NUP214: variants seen among roughly 807,000 people sequenced by gnomAD.
NUP214 encodes nucleoporin 214.
NUP214 carries 79 observed loss-of-function variants against 196.2 expected under a neutral mutation model. The observed-to-expected ratio is 0.40, with a 90% CI of 0.34 to 0.49. The LOEUF (loss-of-function observed/expected upper bound fraction) is 0.49. NUP214 is among the 20% of genes least tolerant of loss of function. The probability of loss-of-function intolerance (pLI) is 0.58; values close to 1 mark genes in which losing one functional copy is unlikely to be tolerated. For synonymous variants in NUP214, 1,020 were observed against 990.5 expected, an observed-to-expected ratio of 1.03 and a Z score of -0.56; for missense variants, 2,468 against 2,539.0, an observed-to-expected ratio of 0.97 and a Z score of 0.60.
rs148287685 is a variant in NUP214, at chr9:131,197,413, T to A, written c.3919T>A (p.Ser1307Thr). Residue 1307 changes from serine to threonine, a missense_variant, in exon 29 of 36, where the codon TCT becomes ACT. By Grantham distance (58) the Ser-to-Thr change is moderately conservative. Around this residue, in one of 5 missense-constraint regions of NUP214, gnomAD observed 1,801 missense variants for 1,779.4 expected, o/e 1.01. Coordinates refer to ENST00000359428, the MANE Select transcript of NUP214 (RefSeq NM_005085.4). ...APSGTALSTTSSKLETPPSKL... is the reference protein window; with the variant it reads ...APSGTALSTTTSKLETPPSKL... ...TTCTGGAACTGCTCTTTCCACCACC[T>A]CTAGTAAGCTGGAAACCCCACCGTC... The A allele has an allele frequency of 4.8e-4, 775 of 1,614,084 alleles. 6 individuals are homozygous for A. In the African/African-American group the frequency reaches 9.4e-3, roughly 20 times the overall value.
At chr9:131,223,334 T>C (rs1175091932) in intron 32 of NUP214, among the ~76,000 whole-genome samples, 2 of 151,920 alleles carry the variant, frequency 1.3e-5, no homozygotes, top group Admixed American at 1.3e-4. Context: ...GCCCAGCTAA[T>C]TTTTGTATTT....
chr9:131,175,596 G>A lies in NUP214; in HGVS notation c.3294G>A (p.Arg1098=). The change falls in exon 23 of 36, where the codon AGG becomes AGA. Residue 1098 remains arginine, a synonymous_variant. Coordinates refer to ENST00000359428, the MANE Select transcript of NUP214 (RefSeq NM_005085.4). ...AGGCAGCTGCCGCAGCAGCACTCAG[G>A]CGGCAGATGGCCAGTCAGGCACCAG... ...APQAAAAAAL[R]RQMASQAPAV... is the part of the protein sequence containing the mutation. 2 of 1,614,166 alleles carry A rather than the reference G, an allele frequency of 1.2e-6. No homozygotes were observed. Among genetic ancestry groups the A allele is most frequent in the Non-Finnish European group, 1.7e-6 (2 of 1,180,012 alleles).
intron 17 of NUP214, 154 bp from the exon 18 acceptor site, chr9:131,159,229 A>C: frequency 4.8e-6 from 3 of 626,738 alleles, no homozygotes; most frequent in Non-Finnish European, 8.2e-6. Flanking sequence ...TTAATTATAT[A>C]GTTTTAAAAA....
intron 32 of NUP214, 129 bp downstream of exon 32, chr9:131,223,059 T>A (rs967167917): frequency 5.5e-6 from 4 of 725,406 alleles, no homozygotes; most frequent in Non-Finnish European, 8.4e-6. Context: ...GTTAACTGTT[T>A]CCTCCGCATT....
At position 131,163,962 on chromosome 9, in the gene NUP214, G is replaced by C. The variant is rs767648361; in HGVS notation, c.2809+7G>C. The C allele has an allele frequency of 6.2e-7, 1 of 1,613,700 alleles. No homozygotes were observed. The highest frequency in any genetic ancestry group is 1.7e-5 in the Admixed American group (1 of 60,028). ...TCCTTGCCCAAAGTACCAGGTAATT[G>C]CATCCTTCCCAGTCTTTTAACTCCC... On this transcript the variant is annotated splice_region_variant and intron_variant, in intron 20 of 35. Coordinates refer to ENST00000359428, the MANE Select transcript of NUP214 (RefSeq NM_005085.4).
Position 131,146,383 on chromosome 9 carries a change from T to A in NUP214, c.1945+79T>A. On this transcript the variant is annotated intron_variant, in intron 13 of 35. Transcript: ENST00000359428. This position sits in a 1 kb window ranked among gnomAD's most constrained non-coding sequence, Gnocchi z 4.6. ...GGTTTTAAGTGTTAAGAGTCGTAGC[T>A]AACATAGTTGGACAAGGTTATTTTT... 6 of 1,407,952 alleles carry A rather than the reference T, an allele frequency of 4.3e-6. No homozygotes were observed. Among genetic ancestry groups the A allele is most frequent in the Non-Finnish European group, 5.9e-6 (6 of 1,011,620 alleles). 87.2% of individuals were successfully genotyped at this position (1,407,952 alleles called of 1,614,324 possible). A position where few individuals can be genotyped will look rare whatever the true frequency, so the allele number is the denominator to read the frequency against.
At chr9:131,179,209 C>T (rs1405415588) in intron 24 of NUP214, among the ~76,000 whole-genome samples, 1 of 152,038 alleles carries the variant, frequency 6.6e-6, no homozygotes, top group Admixed American at 6.6e-5. Context: ...CCATGTCACC[C>T]CAGGCTGGTC....
At chr9:131,149,302 TG>T (rs11368048) in intron 14 of NUP214, among the ~76,000 whole-genome samples, 42,864 of 151,734 alleles carry the variant, frequency 0.28, 6,152 homozygotes, top group South Asian at 0.42. Flanking sequence ...TGTTAATCGT[TG>T]TAAGTATCAA....
Position 131,133,130 on chromosome 9 carries a change from C to T in NUP214, c.752C>T (p.Thr251Ile). 2 of 1,610,852 alleles carry T rather than the reference C, an allele frequency of 1.2e-6. No individual in the cohort carries two copies. The highest frequency in any genetic ancestry group is 1.7e-6 in the Non-Finnish European group (2 of 1,179,018). Reference protein sequence around the residue: ...VRVLDVLWIGTYVFAIVYAAA... With the variant: ...VRVLDVLWIGIYVFAIVYAAA... ...GTTCTGGATGTGCTGTGGATTGGTA[C>T]CTACGTCTTCGCCATAGTGTATGCT... The change falls in exon 7 of 36, where the codon ACC (threonine) becomes ATC (isoleucine). Residue 251 changes from threonine to isoleucine, a missense_variant. This residue lies in a region of NUP214 where 392 missense variants were observed against 417.9 expected (regional missense o/e 0.94). Coordinates refer to ENST00000359428, the MANE Select transcript of NUP214 (RefSeq NM_005085.4).
In NUP214 at chr9:131,230,681, T is replaced by C. The variant is rs778754134; in HGVS notation, c.6126T>C (p.Asn2042=). ...TTSFGTLASQ[N]APTFGSLSQQ... ...CCTTCGGCACGCTCGCGAGTCAGAA[T>C]GCCCCCACTTTCGGATCACTGTCCC... is the stretch of plus-strand genomic sequence containing the variant. The change falls in exon 34 of 36, where the codon AAT becomes AAC. Residue 2042 remains asparagine (N), a synonymous_variant. Transcript: ENST00000359428. 2.5e-5 allele frequency: 41 copies of C among 1,614,038 alleles called. No individual in the cohort carries two copies. Among genetic ancestry groups the C allele is most frequent in the Non-Finnish European group, 3.3e-5 (39 of 1,180,020 alleles).
At chr9:131,217,415 C>T (rs1437847257) in intron 31 of NUP214, among the ~76,000 whole-genome samples, 2 of 152,156 alleles carry the variant, frequency 1.3e-5, no homozygotes, top group Non-Finnish European at 2.9e-5. Context: ...TAAGTAGCAT[C>T]CTGATAAGGA....
chr9:131,138,495 G>C (rs1304355188), intron 9 of NUP214, among the ~76,000 whole-genome samples: 2 of 152,198 alleles, frequency 1.3e-5, no homozygotes, highest in Non-Finnish European at 2.9e-5. Flanking sequence ...TGGGATTACA[G>C]GCATGAACCA....
intron 32 of NUP214, among the ~76,000 whole-genome samples, chr9:131,223,719 A>ATTTT (rs1564219704): frequency 4.5e-4 from 7 of 15,536 alleles, no homozygotes; most frequent in Admixed American, 1.1e-3. Context: ...ATTTTTATTT[A>ATTTT]TTTATTTATT....
At chr9:131,189,500 A>G (rs1833543155) in intron 26 of NUP214, among the ~76,000 whole-genome samples, 1 of 152,210 alleles carries the variant, frequency 6.6e-6, no homozygotes, top group Non-Finnish European at 1.5e-5. Context: ...TCAGAATGCT[A>G]AACGCTATTT....
In NUP214 at chr9:131,221,206, A is replaced by G. The variant is rs1381999607; in HGVS notation, c.5750-1572A>G. Reference sequence around the variant, plus strand: ...ATTTTGTGGGACTCCGTCAAGGGATACATTATCCTGTGGTACCGAGTTATG... The same window carrying G: ...ATTTTGTGGGACTCCGTCAAGGGATGCATTATCCTGTGGTACCGAGTTATG... On this transcript the variant is annotated intron_variant, in intron 31 of 35. Transcript: ENST00000359428. 1.3e-5 allele frequency among the ~76,000 whole-genome samples: 2 copies of G among 152,222 alleles called. 1 individual carries two copies. The highest frequency in any genetic ancestry group is 3.8e-4 in the East Asian group (2 of 5,198).
At chr9:131,203,058 G>A (rs1178696404) in intron 30 of NUP214, among the ~76,000 whole-genome samples, 1 of 151,522 alleles carries the variant, frequency 6.6e-6, no homozygotes, top group Non-Finnish European at 1.5e-5. Flanking sequence ...CCATTCTCCT[G>A]CCTCAGCCTC....
At chr9:131,221,771 G>A (rs1834561354) in intron 31 of NUP214, among the ~76,000 whole-genome samples, 4 of 152,082 alleles carry the variant, frequency 2.6e-5, no homozygotes, top group Admixed American at 2.6e-4. Flanking sequence ...CTGCCTTGTG[G>A]GCATATATTC....
Position 131,127,539 on chromosome 9 carries a change from G to A in NUP214, c.61G>A (p.Ala21Thr), listed in dbSNP as rs747924992. The A allele has an allele frequency of 6.2e-7, 1 of 1,611,276 alleles. No individual in the cohort carries two copies. Among genetic ancestry groups the A allele is most frequent in the Non-Finnish European group, 8.5e-7 (1 of 1,179,056 alleles). The change falls in exon 2 of 36, where the codon GCG becomes ACG. Residue 21 changes from alanine to threonine, a missense_variant. Ala to Thr is a moderately conservative substitution (Grantham distance 58, BLOSUM62 0). This residue lies in a region of NUP214 where 392 missense variants were observed against 417.9 expected (regional missense o/e 0.94). Coordinates refer to ENST00000359428, the MANE Select transcript of NUP214 (RefSeq NM_005085.4). ...TTCACAACAGGATTTTCAGTTTAGA[G>A]CGCTAAAGAAGGTGAGAATCTTTGA... Reference protein sequence around the residue: ...EREMKDFQFRALKKVRIFDSP... With the variant: ...EREMKDFQFRTLKKVRIFDSP...
At position 131,197,980 on chromosome 9, in the gene NUP214, G is replaced by A; in HGVS notation, c.4486G>A (p.Ala1496Thr). The change falls in exon 29 of 36, where the codon GCC becomes ACC. Residue 1496 changes from alanine (A) to threonine (T), a missense_variant. Coordinates refer to ENST00000359428, the MANE Select transcript of NUP214 (RefSeq NM_005085.4). ...GTCCGCTGGCAGAAGCACAGAAGAG[G>A]CCACTTCATCAGCTTTGCCTGAGAA... ...PMSAGRSTEE[A>T]TSSALPEKPG... 6.2e-7 allele frequency: 1 copy of A among 1,614,204 alleles called. No individual in the cohort carries two copies. The highest frequency in any genetic ancestry group is 1.1e-5 in the South Asian group (1 of 91,090).
Sources: gnomAD v4.1 joint callset for allele counts (sites outside exome capture counted in the v4.1 genomes callset) on GRCh38, gnomAD v4.1.1 for gene constraint, gnomAD v4.1.1 regional missense constraint, Gnocchi (gnomAD v3.1) non-coding constraint, MANE v1.5 for transcripts, NCBI Gene and HGNC (gene_info 2026-07-23, HGNC 2026-07-21) for gene names.